HSPA9: variants seen among roughly 807,000 people sequenced by gnomAD.
The protein encoded by HSPA9 is heat shock protein family A (Hsp70) member 9.
HSPA9 carries 28 observed loss-of-function variants against 81.5 expected under a neutral mutation model. That is an observed-to-expected ratio of 0.34 (90% CI 0.25 to 0.47). The LOEUF (loss-of-function observed/expected upper bound fraction) is 0.47. Ranked by LOEUF, HSPA9 falls within the 20% of genes least tolerant of loss-of-function variation. The pLI is 1.00. For synonymous variants in HSPA9, 293 were observed against 290.4 expected (o/e 1.01, Z -0.09); for missense variants, 678 against 838.0 (o/e 0.81, Z 2.36).
At chr5:138,574,566 AAAG>A (rs1258344182) in intron 1 of HSPA9, among the ~76,000 whole-genome samples, 2 of 152,246 alleles carry the variant, frequency 1.3e-5, no homozygotes, top group African/African-American at 2.4e-5. Flanking sequence ...AGAAAAAAGA[AAAG>A]TAGTGGCGTT....
intron 4 of HSPA9, among the ~76,000 whole-genome samples, chr5:138,570,153 C>A (rs1269764873): frequency 1.3e-5 from 2 of 151,970 alleles, no homozygotes; most frequent in African/African-American, 4.8e-5. Flanking sequence ...GTGTGAGTCA[C>A]CCCACCGAGC....
intron 9 of HSPA9, among the ~76,000 whole-genome samples, chr5:138,563,446 C>T (rs1188821374): frequency 2.0e-5 from 3 of 152,278 alleles, no homozygotes; most frequent in East Asian, 1.9e-4. Context: ...ATGTTCTTTC[C>T]TTACCCTCCT....
At position 138,554,984 on chromosome 5, in the gene HSPA9, TTTC is replaced by T. The variant is rs1415889974; in HGVS notation, c.*1050_*1052del. The T allele has an allele frequency of 1.3e-5, 2 of 152,222 alleles. No individual in the cohort carries two copies. The highest frequency in any genetic ancestry group is 4.8e-5 in the African/African-American group (2 of 41,460). The allele number at this position is 152,222 out of a possible 1,614,324, so 9.4% of individuals were successfully genotyped here. On this transcript the variant is annotated 3_prime_UTR_variant, in exon 17 of 17. Transcript: ENST00000297185. ...CTTTAATGTAAGCCAATTCTGGTTA[TTTC>T]TACTTGGAGCTGAAAGCAACCTGAA...
rs755860133 is a variant in HSPA9 at position 138,575,365 on chromosome 5, G to T, written c.-47C>A. 2.0e-6 allele frequency: 3 copies of T among 1,474,536 alleles called. No homozygotes were observed. The highest frequency in any genetic ancestry group is 2.8e-6 in the Non-Finnish European group (3 of 1,058,564). The allele number at this position is 1,474,536 out of a possible 1,614,324, so 91.3% of individuals were successfully genotyped here. On this transcript the variant is annotated 5_prime_UTR_variant, in exon 1 of 17. Coordinates refer to ENST00000297185, the MANE Select transcript of HSPA9 (RefSeq NM_004134.7). ...GAGGCAGCAAACAAGCGCTCCGACG[G>T]CAAAGAGCTGCGCGATGCGGTGGCG... is the stretch of plus-strand genomic sequence containing the variant.
At chr5:138,575,081 A>T (rs1000440229) in intron 1 of HSPA9, 157 bp downstream of exon 1, 1 of 627,724 alleles carries the variant, frequency 1.6e-6, no homozygotes, top group African/African-American at 1.9e-5. Flanking sequence ...CAAAATCTTG[A>T]CCCGGCAGCG....
chr5:138,570,229 A>T (rs256011), intron 4 of HSPA9, among the ~76,000 whole-genome samples: 1 of 152,006 alleles, frequency 6.6e-6, no homozygotes, highest in African/African-American at 2.4e-5. Flanking sequence ...AATCCCAATA[A>T]TTTGGGAGGC....
At chr5:138,568,120 G>A (rs1750804034) in intron 5 of HSPA9, among the ~76,000 whole-genome samples, 1 of 151,930 alleles carries the variant, frequency 6.6e-6, no homozygotes, top group Admixed American at 6.6e-5. Flanking sequence ...GGGAGGCGGA[G>A]GTTGCAGTGA....
At position 138,571,454 on chromosome 5, in the gene HSPA9, C is replaced by T. The variant is rs530910503; in HGVS notation, c.229-313G>A. Among the ~76,000 whole-genome samples, 6 of 151,304 alleles carry T rather than the reference C, an allele frequency of 4.0e-5. No individual in the cohort carries two copies. The East Asian group carries it at 9.9e-4, about 25-fold the overall frequency. ...CCCGCCTCAGCCTCCCGAAGTGTTG[C>T]GATACAGGCATGAGCCAATACGCCC... On this transcript the variant is annotated intron_variant, in intron 3 of 16. Coordinates refer to ENST00000297185, the MANE Select transcript of HSPA9 (RefSeq NM_004134.7).
At position 138,571,161 on chromosome 5, in the gene HSPA9, T is replaced by TAA; in HGVS notation, c.229-21_229-20insTT. On this transcript the variant is annotated intron_variant, in intron 3 of 16. Coordinates refer to ENST00000297185, the MANE Select transcript of HSPA9 (RefSeq NM_004134.7). ...CAGCACCTAAACTCCCAAAATGTGA[T>TAA]AGAGAGTAAGTTTGTAGTTATCACT... The TAA allele has an allele frequency of 6.2e-7, 1 of 1,612,106 alleles. No homozygotes were observed. The highest frequency in any genetic ancestry group is 1.1e-5 in the South Asian group (1 of 90,992).
chr5:138,571,369 A>C (rs1184103983), intron 3 of HSPA9, among the ~76,000 whole-genome samples: 1 of 151,948 alleles, frequency 6.6e-6, no homozygotes, highest in Non-Finnish European at 1.5e-5. Context: ...TTTTTAGTAG[A>C]GACGGGGGTT....
chr5:138,575,051 G>A lies in HSPA9; in HGVS notation c.81+187C>T, dbSNP rs77063623. The A allele has an allele frequency of 8.4e-3, 5,139 of 612,580 alleles. 39 individuals carry two copies. Among genetic ancestry groups the A allele is most frequent in the Non-Finnish European group, 0.013 (4,233 of 337,736 alleles). The allele number at this position is 612,580 out of a possible 1,614,324, so 37.9% of individuals were successfully genotyped here. On this transcript the variant is annotated intron_variant, in intron 1 of 16. Transcript: ENST00000297185. ...AGGGGTGTGACTCAGCAGGGCCCAA[G>A]CCGGAGGCAAAACCTTGGGCAAAAT... is the stretch of plus-strand genomic sequence containing the variant.
chr5:138,557,143 A>AG (rs1161095097), intron 14 of HSPA9: 7 of 601,954 alleles, frequency 1.2e-5, no homozygotes, highest in Non-Finnish European at 1.8e-5. Flanking sequence ...AGATTATCTT[A>AG]GGTTTTCTCT....
At chr5:138,563,443 T>C (rs1750698312) in intron 9 of HSPA9, among the ~76,000 whole-genome samples, 1 of 152,184 alleles carries the variant, frequency 6.6e-6, no homozygotes, top group Admixed American at 6.5e-5. Context: ...ACAATGTTCT[T>C]TCCTTACCCT....
rs1389383016 is a variant in HSPA9, at chr5:138,556,785, GTAAT to G, written c.1806_1809del (p.Gln602HisfsTer9). 1 of 1,612,482 alleles carries G rather than the reference GTAAT, an allele frequency of 6.2e-7. No individual in the cohort carries two copies. The stretch of plus-strand genomic sequence containing the variant: ...AAAATAGAACTCACCTCATCAGCAG[GTAAT>G]TGGTCCTTGAATTCTTCCATCTTGG... On this transcript the variant is annotated frameshift_variant, in exon 15 of 17. Coordinates refer to ENST00000297185, the MANE Select transcript of HSPA9 (RefSeq NM_004134.7). LOFTEE classifies it high-confidence loss of function.
chr5:138,567,202 T>C (rs1580747428), intron 7 of HSPA9, 39 bp from the exon 8 acceptor site: 1 of 1,534,770 alleles, frequency 6.5e-7, no homozygotes, highest in Non-Finnish European at 8.9e-7. Context: ...AAAGAAATCC[T>C]TAAGAACAAA....
At position 138,559,927 on chromosome 5, in the gene HSPA9, A is replaced by G. The variant is rs769930800; in HGVS notation, c.1347T>C (p.Thr449=). Residue 449 remains threonine, a synonymous_variant, in exon 11 of 17, where the codon ACT becomes ACC. Coordinates refer to ENST00000297185, the MANE Select transcript of HSPA9 (RefSeq NM_004134.7). ...DVTPLSLGIE[T]LGGVFTKLIN... Reference sequence around the variant, plus strand: ...TAAGTTTGGTAAAGACACCTCCTAGAGTTTCAATACCCAGAGACAGGGGAG... The same window carrying G: ...TAAGTTTGGTAAAGACACCTCCTAGGGTTTCAATACCCAGAGACAGGGGAG... 4.0e-5 allele frequency: 65 copies of G among 1,614,132 alleles called. 1 individual carries two copies. In the South Asian group the frequency reaches 6.5e-4, roughly 16 times the overall value.
At chr5:138,567,775 T>TA (rs1750797421) in intron 5 of HSPA9, 53 bp from the exon 6 acceptor site, 2 of 1,312,888 alleles carry the variant, frequency 1.5e-6, no homozygotes, top group Non-Finnish European at 2.2e-6. Context: ...GAATTATTAA[T>TA]ATAGCCCAAC....
At chr5:138,569,545 T>G (rs967088118) in intron 4 of HSPA9, among the ~76,000 whole-genome samples, 1 of 152,174 alleles carries the variant, frequency 6.6e-6, no homozygotes, top group Non-Finnish European at 1.5e-5. Flanking sequence ...CAGTATAGTA[T>G]TATTTGGCCA....
intron 16 of HSPA9, 38 bp from the exon 17 acceptor site, chr5:138,556,152 G>A (rs371887250): frequency 2.6e-5 from 40 of 1,533,090 alleles, no homozygotes; most frequent in East Asian, 1.3e-4. Flanking sequence ...CAGATTTAAC[G>A]TTAGAGCTAA....
Sources: gnomAD v4.1 joint callset for allele counts (sites outside exome capture counted in the v4.1 genomes callset) on GRCh38, gnomAD v4.1.1 for gene constraint, MANE v1.5 for transcripts, NCBI Gene and HGNC (gene_info 2026-07-23, HGNC 2026-07-21) for gene names.